Variants in PRSS22 observed in about 807,000 individuals in gnomAD.
PRSS22 encodes the protein brain-specific serine protease 4.
Under a neutral mutation model 28.0 loss-of-function variants are expected in PRSS22, and 26 were observed. That is an observed-to-expected ratio of 0.93 (90% CI 0.68 to 1.29). PRSS22 has a LOEUF of 1.29. Ranked by LOEUF, PRSS22 falls within the 50% of genes most tolerant of loss-of-function variation. PRSS22 has a pLI of 0.00. For synonymous variants in PRSS22, 217 were observed against 177.9 expected, an observed-to-expected ratio of 1.22 and a Z score of -1.75; for missense variants, 444 against 422.1, an observed-to-expected ratio of 1.05 and a Z score of -0.46.
intron 3 of PRSS22, 80 bp from the exon 4 acceptor site, chr16:2,855,931 C>T (rs1047644968): frequency 2.0e-6 from 3 of 1,529,256 alleles, no homozygotes; most frequent in Admixed American, 3.9e-5. Context: ...GGTGTGAAGG[C>T]CCCTGAAGGC....
Position 2,853,199 on chromosome 16 carries a change from G to A in PRSS22, c.848C>T (p.Ser283Phe). The change falls in exon 6 of 6, where the codon TCC becomes TTC. Residue 283 changes from serine (S) to phenylalanine (F), a missense_variant. Transcript: ENST00000161006. The surrounding 1 kb of genome is among the most constrained non-coding windows in gnomAD (Gnocchi z 4.6). ...GVYISLSAHR[S>F]WVEKIVQGVQ... is the part of the protein sequence containing the mutation. Reference sequence around the variant, plus strand: ...CCCTTGCACGATCTTCTCCACCCAGGAGCGGTGCGCAGAGAGGCTGATGTA... The same window carrying A: ...CCCTTGCACGATCTTCTCCACCCAGAAGCGGTGCGCAGAGAGGCTGATGTA... 2 of 1,600,268 alleles carry A rather than the reference G, an allele frequency of 1.2e-6. No individual in the cohort carries two copies. Among genetic ancestry groups the A allele is most frequent in the African/African-American group, 1.3e-5 (1 of 75,002 alleles).
intron 1 of PRSS22, 21 bp from the exon 2 acceptor site, chr16:2,856,869 C>A (rs1286995996): frequency 6.4e-7 from 1 of 1,551,500 alleles, no homozygotes; most frequent in African/African-American, 1.4e-5. Context: ...GAGAAGGAAA[C>A]GGTTAGGCCG....
chr16:2,854,511 G>C (rs2069437399), intron 4 of PRSS22: 3 of 156,852 alleles, frequency 1.9e-5, no homozygotes, highest in African/African-American at 7.2e-5. Context: ...TGCAACCTCA[G>C]AGTTACTGGG....
At position 2,856,151 on chromosome 16, in the gene PRSS22, C is replaced by T; in HGVS notation, c.212G>A (p.Gly71Glu). 2 of 1,613,932 alleles carry T rather than the reference C, an allele frequency of 1.2e-6. No homozygotes were observed. The highest frequency in any genetic ancestry group is 1.7e-6 in the Non-Finnish European group (2 of 1,179,982). The change falls in exon 3 of 6, where the codon GGG (glycine) becomes GAG (glutamate). Residue 71 changes from glycine to glutamate, a missense_variant. Transcript: ENST00000161006. ...CAGAGAACCTGCGCAGTGGTGGGTC[C>T]CATTCTTCTGGATGCTCACGATCCA... ...WPWIVSIQKN[G>E]THHCAGSLLT...
Position 2,853,125 on chromosome 16 carries a change from T to A in PRSS22, c.922A>T (p.Ser308Cys). The change falls in exon 6 of 6, where the codon AGC becomes TGC. Residue 308 changes from serine to cysteine, a missense_variant. Physicochemically the swap from Ser to Cys is moderately radical, Grantham distance 112. Coordinates refer to ENST00000161006, the MANE Select transcript of PRSS22 (RefSeq NM_022119.4). The surrounding 1 kb of genome is among the most constrained non-coding windows in gnomAD (Gnocchi z 4.6). Reference protein sequence around the residue: ...AQGGGALRAPSQGSGAAARS With the variant: ...AQGGGALRAPCQGSGAAARS ...CGCGCGGCGGCCCCAGAGCCCTGGC[T>A]CGGTGCCCTGAGGGCCCCACCCCCC... 6.3e-7 allele frequency: 1 copy of A among 1,595,914 alleles called. No homozygotes were observed. Among genetic ancestry groups the A allele is most frequent in the Non-Finnish European group, 8.5e-7 (1 of 1,178,142 alleles).
rs1295900919 is a variant in PRSS22 at position 2,853,324 on chromosome 16, G to C, written c.723C>G (p.Asp241Glu). Residue 241 changes from aspartate to glutamate, a missense_variant, in exon 6 of 6, where the codon GAC (aspartate) becomes GAG (glutamate). Coordinates refer to ENST00000161006, the MANE Select transcript of PRSS22 (RefSeq NM_022119.4). The surrounding 1 kb of genome is among the most constrained non-coding windows in gnomAD (Gnocchi z 4.6). ...CCTGGCACATGAGGGGGCCCCCGGA[G>C]TCGCCCTGCAGAGAGGAGGCGAGGT... The part of the protein sequence containing the change: ...LEGERDACLG[D>E]SGGPLMCQVD... 6.3e-7 allele frequency: 1 copy of C among 1,595,828 alleles called. No individual in the cohort carries two copies. Among genetic ancestry groups the C allele is most frequent in the Non-Finnish European group, 8.5e-7 (1 of 1,178,312 alleles).
intron 4 of PRSS22, 113 bp from the exon 5 acceptor site, chr16:2,854,135 C>CAGATT (rs2069433647): frequency 2.5e-6 from 3 of 1,216,912 alleles, no homozygotes; most frequent in Non-Finnish European, 3.5e-6. Context: ...CAAAGGCTAA[C>CAGATT]AGATTAGCTC....
At chr16:2,856,319 C>T in intron 2 of PRSS22, 66 bp from the exon 3 acceptor site, 1 of 1,541,434 alleles carries the variant, frequency 6.5e-7, no homozygotes. Context: ...ATCCCAATCC[C>T]TAGGCCTGCA....
intron 4 of PRSS22, chr16:2,854,589 T>C (rs1304280412): frequency 6.5e-6 from 1 of 153,526 alleles, no homozygotes; most frequent in African/African-American, 2.4e-5. Context: ...TTTTCATCTG[T>C]CTTACACTTT....
rs949652583 is a variant in PRSS22 at position 2,853,014 on chromosome 16, C to G, written c.*79G>C. The G allele has an allele frequency of 3.0e-6, 3 of 1,010,902 alleles. No individual in the cohort carries two copies. The highest frequency in any genetic ancestry group is 4.2e-6 in the Non-Finnish European group (3 of 718,360). 62.6% of individuals were successfully genotyped at this position (1,010,902 alleles called of 1,614,324 possible). A position where few individuals can be genotyped will look rare whatever the true frequency, so the allele number is the denominator to read the frequency against. On this transcript the variant is annotated 3_prime_UTR_variant, in exon 6 of 6. Transcript: ENST00000161006. This position sits in a 1 kb window ranked among gnomAD's most constrained non-coding sequence, Gnocchi z 4.6. ...TGAGCCTATTTACGGCGGGGGAAAC[C>G]GCCCGAGGCCGCCGCAGATCCAGAT...
rs2069419060 is a variant in PRSS22, at chr16:2,853,040, C to G, written c.*53G>C. The stretch of plus-strand genomic sequence containing the variant: ...GCCCGAGGCCGCCGCAGATCCAGAT[C>G]CAGATGTGGATCTGGCCGCCTTTCA... On this transcript the variant is annotated 3_prime_UTR_variant, in exon 6 of 6. Transcript: ENST00000161006. The surrounding 1 kb of genome is among the most constrained non-coding windows in gnomAD (Gnocchi z 4.6). 8.0e-7 allele frequency: 1 copy of G among 1,245,948 alleles called. No homozygotes were observed. Among genetic ancestry groups the G allele is most frequent in the Non-Finnish European group, 1.1e-6 (1 of 912,376 alleles). The allele number at this position is 1,245,948 out of a possible 1,614,324, so 77.2% of individuals were successfully genotyped here.
chr16:2,852,961 C>A lies in PRSS22; in HGVS notation c.*132G>T. 1 of 604,094 alleles carries A rather than the reference C, an allele frequency of 1.7e-6. No individual in the cohort carries two copies. Among genetic ancestry groups the A allele is most frequent in the Non-Finnish European group, 2.6e-6 (1 of 386,316 alleles). The allele number at this position is 604,094 out of a possible 1,614,324, so 37.4% of individuals were successfully genotyped here. A position where few individuals can be genotyped will look rare whatever the true frequency, so the allele number is the denominator to read the frequency against. ...GAGGGGGTTTCCTTTCCGCAGCAGC[C>A]GTCCGGGCCCCCAGAGGTAGAGGTA... On this transcript the variant is annotated 3_prime_UTR_variant, in exon 6 of 6. Transcript: ENST00000161006.
Position 2,852,830 on chromosome 16 carries a change from G to A in PRSS22, c.*263C>T. ...CATTAACATTTATATACACAAAAGC[G>A]CTGGGGCCCGGGGCGGGGCCGGAAG... On this transcript the variant is annotated 3_prime_UTR_variant, in exon 6 of 6. Transcript: ENST00000161006. The A allele has an allele frequency of 2.7e-6, 1 of 376,094 alleles. No individual in the cohort carries two copies. The highest frequency in any genetic ancestry group is 4.3e-6 in the Non-Finnish European group (1 of 231,828). 23.3% of individuals were successfully genotyped at this position (376,094 alleles called of 1,614,324 possible). A position where few individuals can be genotyped will look rare whatever the true frequency, so the allele number is the denominator to read the frequency against.
At position 2,853,141 on chromosome 16, in the gene PRSS22, C is replaced by T. The variant is rs1403418622; in HGVS notation, c.906G>A (p.Gly302=). 1 of 1,597,458 alleles carries T rather than the reference C, an allele frequency of 6.3e-7. No homozygotes were observed. Among genetic ancestry groups the T allele is most frequent in the African/African-American group, 1.3e-5 (1 of 74,848 alleles). ...AGCCCTGGCTCGGTGCCCTGAGGGCCCCACCCCCCTGAGCGCGCCCGCGGA... is the reference window on the plus strand; with the variant it reads ...AGCCCTGGCTCGGTGCCCTGAGGGCTCCACCCCCCTGAGCGCGCCCGCGGA... ...VQLRGRAQGG[G]ALRAPSQGSG... Residue 302 remains glycine, a synonymous_variant, in exon 6 of 6, where the codon GGG becomes GGA. Coordinates refer to ENST00000161006, the MANE Select transcript of PRSS22 (RefSeq NM_022119.4). This position sits in a 1 kb window ranked among gnomAD's most constrained non-coding sequence, Gnocchi z 4.6.
In PRSS22 at chr16:2,853,753, A is replaced by T; in HGVS notation, c.717+112T>A. 3.3e-6 allele frequency: 4 copies of T among 1,226,300 alleles called. No homozygotes were observed. The highest frequency in any genetic ancestry group is 4.5e-6 in the Non-Finnish European group (4 of 883,792). 76.0% of individuals were successfully genotyped at this position (1,226,300 alleles called of 1,614,324 possible). The stretch of plus-strand genomic sequence containing the variant: ...GGACCCGGGACTGTCAGGCACAGCC[A>T]GTTCTGGGGAGGAGGCCAGGGAGAG... On this transcript the variant is annotated intron_variant, in intron 5 of 5. Transcript: ENST00000161006. The surrounding 1 kb of genome is among the most constrained non-coding windows in gnomAD (Gnocchi z 4.6).
intron 4 of PRSS22, 114 bp downstream of exon 4, chr16:2,855,460 C>CATG (rs1409126744): frequency 8.4e-7 from 1 of 1,194,730 alleles, no homozygotes; most frequent in East Asian, 2.4e-5. Context: ...CCACCTCTGT[C>CATG]ATGCTGTGCC....
At chr16:2,855,974 C>T in intron 3 of PRSS22, 108 bp downstream of exon 3, 3 of 1,513,456 alleles carry the variant, frequency 2.0e-6, no homozygotes, top group Non-Finnish European at 2.7e-6. Context: ...CGAGGGGCAC[C>T]AAGATTGAAC....
Position 2,856,111 on chromosome 16 carries a change from C to A in PRSS22, c.252G>T (p.Trp84Cys). 1 of 1,613,942 alleles carries A rather than the reference C, an allele frequency of 6.2e-7. No individual in the cohort carries two copies. The highest frequency in any genetic ancestry group is 8.5e-7 in the Non-Finnish European group (1 of 1,179,948). The stretch of plus-strand genomic sequence containing the variant: ...TGAAACAGTGGGCAGCAGTGATCAC[C>A]CAGCGGCTGGTGAGCAGAGAACCTG... ...HCAGSLLTSR[W>C]VITAAHCFKD... Residue 84 changes from tryptophan (W) to cysteine (C), a missense_variant, in exon 3 of 6, where the codon TGG becomes TGT. By Grantham distance (215) the Trp-to-Cys change is radical. Transcript: ENST00000161006.
chr16:2,852,910 G>A lies in PRSS22; in HGVS notation c.*183C>T. 1.7e-6 allele frequency: 1 copy of A among 578,878 alleles called. No individual in the cohort carries two copies. Among genetic ancestry groups the A allele is most frequent in the East Asian group, 3.1e-5 (1 of 32,512 alleles). The allele number at this position is 578,878 out of a possible 1,614,324, so 35.9% of individuals were successfully genotyped here. ...GCGGGGCCTGATGCCTTGGAGGCGG[G>A]GCCTGAGGCCGTCGGGCGGGTCGGG... On this transcript the variant is annotated 3_prime_UTR_variant, in exon 6 of 6. Coordinates refer to ENST00000161006, the MANE Select transcript of PRSS22 (RefSeq NM_022119.4).
Sources: allele counts gnomAD v4.1 joint callset, GRCh38; gene constraint gnomAD v4.1.1; non-coding constraint Gnocchi (gnomAD v3.1); transcripts MANE v1.5; gene names NCBI Gene and HGNC (gene_info 2026-07-23, HGNC 2026-07-21).